PATJ: variants seen among roughly 807,000 people sequenced by gnomAD.
The protein encoded by PATJ is PATJ crumbs cell polarity complex component, also known as inaD-like protein.
A neutral mutation model predicts 224.9 loss-of-function variants in PATJ; 190 were observed. That is an observed-to-expected ratio of 0.84 (90% CI 0.75 to 0.95). PATJ has a LOEUF of 0.95. PATJ is among the 40% of genes least tolerant of loss of function. PATJ has a pLI of 0.00. For synonymous variants in PATJ, 769 were observed against 820.3 expected, an observed-to-expected ratio of 0.94 and a Z score of 1.07; for missense variants, 2,121 against 2,270.3, an observed-to-expected ratio of 0.93 and a Z score of 1.34.
intron 17 of PATJ, among the ~76,000 whole-genome samples, chr1:61,851,738 A>C (rs1662835915): frequency 6.6e-6 from 1 of 152,190 alleles, no homozygotes; most frequent in South Asian, 2.1e-4. Flanking sequence ...TAGACTTATC[A>C]GGAAACTGTA....
chr1:61,796,744 T>TTTC (rs1452512939), intron 10 of PATJ, among the ~76,000 whole-genome samples: 19 of 119,186 alleles, frequency 1.6e-4, no homozygotes, highest in Non-Finnish European at 3.0e-4. Context: ...TTCTTTCTTT[T>TTTC]TTTTCTTCCT....
chr1:61,795,099 T>TA (rs78496504), intron 9 of PATJ, among the ~76,000 whole-genome samples: 44,114 of 100,922 alleles, frequency 0.44, 9,316 homozygotes, highest in Middle Eastern at 0.57. Context: ...ATAGTGATGG[T>TA]AAAAAAAAAA....
At chr1:61,988,773 A>G (rs1644904041) in intron 27 of PATJ, among the ~76,000 whole-genome samples, 1 of 152,196 alleles carries the variant, frequency 6.6e-6, no homozygotes, top group South Asian at 2.1e-4. Flanking sequence ...CTTATAAAGC[A>G]GTGTTTGTTA....
At chr1:62,042,424 C>CT (rs1440924877) in intron 30 of PATJ, among the ~76,000 whole-genome samples, 11 of 152,122 alleles carry the variant, frequency 7.2e-5, no homozygotes, top group African/African-American at 2.7e-4. Flanking sequence ...CTTAGTATAT[C>CT]TTTTTCCCCC....
At position 62,122,319 on chromosome 1, in the gene PATJ, C is replaced by G. The variant is rs1007407859; in HGVS notation, c.5006-702C>G. 3.5e-5 allele frequency among the ~76,000 whole-genome samples: 5 copies of G among 143,630 alleles called. No individual in the cohort carries two copies. In the Admixed American group the frequency reaches 3.6e-4, roughly 10 times the overall value. The allele number at this position is 143,630 out of a possible 152,430, so 94.2% of individuals were successfully genotyped here. A position where few individuals can be genotyped will look rare whatever the true frequency, so the allele number is the denominator to read the frequency against. ...GGCAGAGATGGCAGTGAGCTAAGAT[C>G]GGACCACTGCACTCCAGCCTGGGCG... is the stretch of plus-strand genomic sequence containing the variant. On this transcript the variant is annotated intron_variant, in intron 38 of 43. Coordinates refer to ENST00000642238, the MANE Select transcript of PATJ (RefSeq NM_001350145.3).
intron 10 of PATJ, among the ~76,000 whole-genome samples, chr1:61,796,718 CTTTCTT>C (rs1425734475): frequency 0.095 from 3,390 of 35,588 alleles, 53 homozygotes; most frequent in Middle Eastern, 0.14. Flanking sequence ...TTCTTTCTTT[CTTTCTT>C]TTTCTTTCTT....
rs904578095 is a variant in PATJ at position 61,919,069 on chromosome 1, A to G, written c.3570+4405A>G. Among the ~76,000 whole-genome samples the G allele has an allele frequency of 3.3e-5, 5 of 152,318 alleles. No homozygotes were observed. In the East Asian group the frequency reaches 9.7e-4, roughly 29 times the overall value. On this transcript the variant is annotated intron_variant, in intron 26 of 43. Coordinates refer to ENST00000642238, the MANE Select transcript of PATJ (RefSeq NM_001350145.3). The stretch of plus-strand genomic sequence containing the variant: ...TATATCTTTTTCTTGATTAATCTTG[A>G]AAGTAATTTTTCATTTAATTTTTTT...
intron 25 of PATJ, among the ~76,000 whole-genome samples, chr1:61,914,370 C>A (rs528402914): frequency 6.6e-6 from 1 of 152,082 alleles, no homozygotes; most frequent in Non-Finnish European, 1.5e-5. Context: ...GCTGGAGAAG[C>A]GCTTGAACCC....
chr1:61,920,059 C>T (rs1267730836), intron 26 of PATJ, among the ~76,000 whole-genome samples: 1 of 152,004 alleles, frequency 6.6e-6, no homozygotes, highest in Non-Finnish European at 1.5e-5. Context: ...ATGATTGCCC[C>T]TTTTGATACT....
chr1:62,084,750 T>C (rs149313772), intron 33 of PATJ, 102 bp downstream of exon 33: 2 of 1,131,920 alleles, frequency 1.8e-6, no homozygotes, highest in Non-Finnish European at 2.6e-6. Context: ...TTTTTCATAG[T>C]ATGAGGAGAA....
rs1043625262 is a variant in PATJ at position 61,788,960 on chromosome 1, C to T, written c.1068+988C>T. Among the ~76,000 whole-genome samples the T allele has an allele frequency of 3.8e-3, 5 of 1,326 alleles. No individual in the cohort carries two copies. The Non-Finnish European group carries it at 0.068, about 18-fold the overall frequency. The allele number at this position is 1,326 out of a possible 152,430, so 0.9% of individuals were successfully genotyped here. A position where few individuals can be genotyped will look rare whatever the true frequency, so the allele number is the denominator to read the frequency against. On this transcript the variant is annotated intron_variant, in intron 8 of 43. Transcript: ENST00000642238. ...AAGTGCTAGGATTACAGGCGTGAGC[C>T]ACCATGATGACCAGAAATAGGTTTT...
intron 28 of PATJ, among the ~76,000 whole-genome samples, chr1:62,014,134 C>T (rs1234369466): frequency 6.6e-6 from 1 of 152,164 alleles, no homozygotes; most frequent in East Asian, 1.9e-4. Context: ...TAGCTCACTG[C>T]AGTCTTTAAC....
In PATJ at chr1:62,117,075, A is replaced by T. The variant is rs566070357; in HGVS notation, c.4804-57A>T. ...CTGCAGGGAGAGGCTCTGTTAAGAT[A>T]TTTCAGAATATAAATGCTACTACTT... On this transcript the variant is annotated intron_variant, in intron 36 of 43. Coordinates refer to ENST00000642238, the MANE Select transcript of PATJ (RefSeq NM_001350145.3). 2.8e-5 allele frequency: 39 copies of T among 1,407,954 alleles called. No homozygotes were observed. The Middle Eastern group carries it at 5.3e-4, about 19-fold the overall frequency. 87.2% of individuals were successfully genotyped at this position (1,407,954 alleles called of 1,614,324 possible). A position where few individuals can be genotyped will look rare whatever the true frequency, so the allele number is the denominator to read the frequency against.
At chr1:61,897,396 T>G (rs1670530120) in intron 22 of PATJ, among the ~76,000 whole-genome samples, 1 of 152,208 alleles carries the variant, frequency 6.6e-6, no homozygotes, top group Non-Finnish European at 1.5e-5. Flanking sequence ...AAGGCAAGTT[T>G]TTTTCATGTG....
chr1:62,036,740 C>T (rs1650452041), intron 29 of PATJ, among the ~76,000 whole-genome samples: 1 of 151,476 alleles, frequency 6.6e-6, no homozygotes, highest in African/African-American at 2.4e-5. Context: ...GGTGTGGTGG[C>T]ACATGCCTGT....
At chr1:61,764,305 T>C (rs1646140535) in intron 3 of PATJ, among the ~76,000 whole-genome samples, 1 of 152,190 alleles carries the variant, frequency 6.6e-6, no homozygotes, top group African/African-American at 2.4e-5. Context: ...TATATAGTTA[T>C]GTTTCTTCTA....
chr1:62,001,089 G>A (rs1051480830), intron 28 of PATJ, among the ~76,000 whole-genome samples: 11 of 151,564 alleles, frequency 7.3e-5, no homozygotes, highest in African/African-American at 2.7e-4. Flanking sequence ...CTGGATATTA[G>A]CCCTTTGTCA....
chr1:61,874,363 A>G (rs1667079635), intron 20 of PATJ, among the ~76,000 whole-genome samples: 1 of 151,914 alleles, frequency 6.6e-6, no homozygotes, highest in Non-Finnish European at 1.5e-5. Flanking sequence ...ATGCCTGGCT[A>G]ATTTTTGTAT....
Position 61,787,768 on chromosome 1 carries a change from G to A in PATJ, c.864G>A (p.Gln288=). Residue 288 remains glutamine, a synonymous_variant, in exon 8 of 44, where the codon CAG becomes CAA. Coordinates refer to ENST00000642238, the MANE Select transcript of PATJ (RefSeq NM_001350145.3). ...TTTTCTTGAAGGATGGAAGACTCCA[G>A]ACAGGGGACCACATCTTGAAGATTG... The part of the protein sequence containing the change: ...GGLADRDGRL[Q]TGDHILKIGG... 6.2e-7 allele frequency: 1 copy of A among 1,613,820 alleles called. No individual in the cohort carries two copies. Among genetic ancestry groups the A allele is most frequent in the Non-Finnish European group, 8.5e-7 (1 of 1,179,704 alleles).
Sources: allele counts gnomAD v4.1 joint callset (sites outside exome capture counted in the v4.1 genomes callset), GRCh38; gene constraint gnomAD v4.1.1; transcripts MANE v1.5; gene names NCBI Gene and HGNC (gene_info 2026-07-23, HGNC 2026-07-21).